ANKDD1A: variants seen among roughly 807,000 people sequenced by gnomAD.
ANKDD1A encodes the protein ankyrin repeat and death domain-containing protein 1A.
In ANKDD1A, 59 loss-of-function variants were observed where a neutral mutation model predicts 63.5. The observed-to-expected ratio is 0.93, with a 90% CI of 0.75 to 1.15. ANKDD1A has a LOEUF of 1.15. Ranked by LOEUF, ANKDD1A falls within the 50% of genes most tolerant of loss-of-function variation. The pLI is 0.00. For missense variants in ANKDD1A, 632 were observed against 656.4 expected (o/e 0.96, Z 0.41); for synonymous variants, 266 against 263.9 (o/e 1.01, Z -0.08).
intron 10 of ANKDD1A, chr15:64,943,244 CA>C (rs1360790906): frequency 4.1e-6 from 2 of 482,642 alleles, no homozygotes; most frequent in Non-Finnish European, 7.4e-6. Flanking sequence ...ATGGAGTTAT[CA>C]AAAATGGCGT....
chr15:64,929,949 A>G (rs902568384), intron 6 of ANKDD1A, among the ~76,000 whole-genome samples: 1 of 152,210 alleles, frequency 6.6e-6, no homozygotes, highest in African/African-American at 2.4e-5. Context: ...TTGCAGGGAC[A>G]TGGATGAAGC....
intron 13 of ANKDD1A, 32 bp downstream of exon 13, chr15:64,947,625 CCAT>C: frequency 6.2e-7 from 1 of 1,607,524 alleles, no homozygotes; most frequent in Non-Finnish European, 8.5e-7. Flanking sequence ...CCCTAAGCAA[CCAT>C]TGGGCGGAGG....
chr15:64,938,020 C>A (rs764122917), intron 9 of ANKDD1A, among the ~76,000 whole-genome samples: 4 of 151,960 alleles, frequency 2.6e-5, no homozygotes, highest in Non-Finnish European at 5.9e-5. Flanking sequence ...AGAGAGAGCT[C>A]CCAATGGTCA....
At chr15:64,952,818 T>C (rs1348001960) in intron 14 of ANKDD1A, among the ~76,000 whole-genome samples, 24 of 143,800 alleles carry the variant, frequency 1.7e-4, no homozygotes, top group Admixed American at 1.6e-3. Context: ...CTCCTCCTTC[T>C]TCCTCCTCCT....
intron 3 of ANKDD1A, among the ~76,000 whole-genome samples, chr15:64,917,898 G>T (rs1471205441): frequency 1.3e-5 from 2 of 152,200 alleles, no homozygotes; most frequent in African/African-American, 4.8e-5. Flanking sequence ...TCAAAGTCTT[G>T]GATAAAGACT....
At chr15:64,951,002 G>A (rs756665827) in intron 14 of ANKDD1A, 5 of 1,270,604 alleles carry the variant, frequency 3.9e-6, no homozygotes, top group South Asian at 3.9e-5. Flanking sequence ...CCCAGGAGGT[G>A]CACAGCCATG....
chr15:64,927,099 C>A, intron 6 of ANKDD1A, 100 bp downstream of exon 6: 1 of 1,228,896 alleles, frequency 8.1e-7, no homozygotes, highest in Non-Finnish European at 1.2e-6. Context: ...ACTCCGATTG[C>A]GCTGGAGGCC....
At chr15:64,937,577 A>C (rs1303005324) in intron 9 of ANKDD1A, among the ~76,000 whole-genome samples, 1 of 151,992 alleles carries the variant, frequency 6.6e-6, no homozygotes, top group Non-Finnish European at 1.5e-5. Flanking sequence ...AAGTACAAAA[A>C]ATTAGCCAGG....
chr15:64,953,857 TTC>T (rs797040545), intron 14 of ANKDD1A, among the ~76,000 whole-genome samples: 70,189 of 135,104 alleles, frequency 0.52, 19,599 homozygotes, highest in East Asian at 0.84. Context: ...TTCTTTCCTC[TTC>T]TTCCTCTTTC....
chr15:64,949,818 C>T, intron 13 of ANKDD1A, 23 bp from the exon 14 acceptor site: 2 of 1,597,450 alleles, frequency 1.3e-6, no homozygotes, highest in Non-Finnish European at 8.5e-7. Context: ...CTCCCTCTCT[C>T]TCTCCTCCCT....
rs528530325 is a variant in ANKDD1A, at chr15:64,929,231, T to C, written c.571-1591T>C. 1.2e-4 allele frequency among the ~76,000 whole-genome samples: 19 copies of C among 152,282 alleles called. No individual in the cohort carries two copies. In the South Asian group the frequency reaches 3.9e-3, roughly 32 times the overall value. The stretch of plus-strand genomic sequence containing the variant: ...CTCTGTTGCCCAGGCTGGAGTGTAG[T>C]GGCGTAATCACAGCTCATTGCAGCC... On this transcript the variant is annotated intron_variant, in intron 6 of 14. Transcript: ENST00000319580.
At chr15:64,953,665 C>CTCCTT (rs2085354797) in intron 14 of ANKDD1A, among the ~76,000 whole-genome samples, 1 of 52,782 alleles carries the variant, frequency 1.9e-5, no homozygotes, top group Non-Finnish European at 5.1e-5. Context: ...TCTTTTCTTT[C>CTCCTT]TTCTCCTTCT....
chr15:64,925,079 T>C (rs1045067243), intron 4 of ANKDD1A, among the ~76,000 whole-genome samples: 44 of 151,798 alleles, frequency 2.9e-4, no homozygotes, highest in African/African-American at 1.0e-3. Context: ...ATACAAAAAA[T>C]TAGCCGGGCG....
At chr15:64,940,582 G>C (rs1421584798) in intron 9 of ANKDD1A, among the ~76,000 whole-genome samples, 1 of 143,702 alleles carries the variant, frequency 7.0e-6, no homozygotes, top group East Asian at 2.1e-4. Context: ...ACAGGCACCC[G>C]CCACCAAGCC....
intron 14 of ANKDD1A, among the ~76,000 whole-genome samples, chr15:64,953,176 CT>C (rs1566917353): frequency 5.9e-4 from 56 of 94,916 alleles, no homozygotes; most frequent in African/African-American, 1.8e-3. Context: ...TTCTTTTCTT[CT>C]TTTTCTTCTT....
chr15:64,952,118 TC>T (rs1333916320), intron 14 of ANKDD1A, among the ~76,000 whole-genome samples: 10 of 12,548 alleles, frequency 8.0e-4, no homozygotes, highest in East Asian at 0.019. Flanking sequence ...TCTTCTTCTT[TC>T]TTCTCTTTCT....
At chr15:64,944,890 C>T (rs1463043251) in intron 12 of ANKDD1A, 143 bp downstream of exon 12, 2 of 755,642 alleles carry the variant, frequency 2.6e-6, no homozygotes, top group African/African-American at 1.8e-5. Flanking sequence ...TTGTATGTTA[C>T]CACAGTTGTT....
chr15:64,924,546 T>C (rs1481929577), intron 4 of ANKDD1A, among the ~76,000 whole-genome samples: 1 of 152,276 alleles, frequency 6.6e-6, no homozygotes, highest in Non-Finnish European at 1.5e-5. Flanking sequence ...GGCCCAGTCC[T>C]GCTTCTGCCC....
intron 14 of ANKDD1A, chr15:64,951,298 TC>T (rs1303417949): frequency 1.4e-5 from 11 of 776,594 alleles, no homozygotes; most frequent in Admixed American, 1.6e-3. Flanking sequence ...TTCTTCTTCT[TC>T]TTCTTCTCTT....
Sources: allele counts gnomAD v4.1 joint callset (sites outside exome capture counted in the v4.1 genomes callset), GRCh38; gene constraint gnomAD v4.1.1; transcripts MANE v1.5; gene names NCBI Gene and HGNC (gene_info 2026-07-23, HGNC 2026-07-21).